Variants in INSR observed in about 807,000 individuals in gnomAD.
INSR encodes insulin receptor, also known as IR.
Under a neutral mutation model 142.6 loss-of-function variants are expected in INSR, and 67 were observed. That is an observed-to-expected ratio of 0.47 (90% CI 0.39 to 0.58). INSR has a LOEUF of 0.58. INSR is among the 20% of genes least tolerant of loss of function. The pLI is 0.00. For synonymous variants in INSR, 756 were observed against 743.1 expected, an observed-to-expected ratio of 1.02 and a Z score of -0.28; for missense variants, 1,248 against 1,833.2, an observed-to-expected ratio of 0.68 and a Z score of 5.83.
chr19:7,174,291 CTAAAAA>C lies in INSR; in HGVS notation c.1123+286_1123+291del, dbSNP rs56082163. On this transcript the variant is annotated intron_variant, in intron 4 of 21. Transcript: ENST00000302850. ...TGGGCAATGGAGCAAGACCCCATCT[CTAAAAA>C]TAAAAATAAAAATAAAAATAAATGT... is the stretch of plus-strand genomic sequence containing the variant. Among the ~76,000 whole-genome samples the C allele has an allele frequency of 0.29, 44,152 of 149,856 alleles. 9,148 individuals are homozygous for C. Among genetic ancestry groups the C allele is most frequent in the African/African-American group, 0.59 (23,715 of 40,158 alleles).
At chr19:7,133,419 C>A (rs1053254138) in intron 13 of INSR, among the ~76,000 whole-genome samples, 2 of 152,192 alleles carry the variant, frequency 1.3e-5, no homozygotes, top group Non-Finnish European at 2.9e-5. Context: ...CATTTAAAAT[C>A]TATTCTTCTA....
intron 2 of INSR, among the ~76,000 whole-genome samples, chr19:7,217,619 G>A: frequency 6.6e-6 from 1 of 152,182 alleles, no homozygotes; most frequent in Admixed American, 6.5e-5. Context: ...AGTGCAGTGG[G>A]CACGATCTTG....
chr19:7,124,635 A>G (rs1972598000), intron 17 of INSR, among the ~76,000 whole-genome samples: 1 of 83,228 alleles, frequency 1.2e-5, no homozygotes, highest in Non-Finnish European at 2.4e-5. Context: ...ATATATATAT[A>G]TATGAAATAA....
chr19:7,185,529 G>A (rs1040376067), intron 2 of INSR, among the ~76,000 whole-genome samples: 13 of 152,088 alleles, frequency 8.5e-5, no homozygotes, highest in Admixed American at 1.3e-4. Context: ...TCTAATGGAG[G>A]AGACATGTTA....
intron 13 of INSR, among the ~76,000 whole-genome samples, chr19:7,132,836 C>T (rs1972820744): frequency 1.3e-5 from 2 of 152,088 alleles, no homozygotes; most frequent in South Asian, 4.2e-4. Flanking sequence ...AGTGATCCGC[C>T]CACCTCGGCC....
At chr19:7,286,632 C>T (rs1198307089) in intron 1 of INSR, among the ~76,000 whole-genome samples, 1 of 151,992 alleles carries the variant, frequency 6.6e-6, no homozygotes, top group African/African-American at 2.4e-5. Flanking sequence ...AAGTGTTCCT[C>T]CCACCTCAGC....
intron 17 of INSR, among the ~76,000 whole-genome samples, chr19:7,124,529 A>G (rs1258809100): frequency 2.1e-5 from 2 of 96,498 alleles, no homozygotes; most frequent in Non-Finnish European, 3.9e-5. Flanking sequence ...ACAAAGCGAG[A>G]CTCCGTTTCA....
intron 5 of INSR, 86 bp from the exon 6 acceptor site, chr19:7,170,837 T>C (rs983505321): frequency 2.0e-6 from 2 of 1,025,392 alleles, no homozygotes; most frequent in Non-Finnish European, 3.1e-6. Context: ...GAGTTGATCT[T>C]GTTCAGTGCT....
At position 7,192,627 on chromosome 19, in the gene INSR, G is replaced by A. The variant is rs569563119; in HGVS notation, c.653-7990C>T. ...CAGACTTGCAGGAAAATGCCAAACC[G>A]TCCGGGGGCTGTCACTCCCTCACAC... On this transcript the variant is annotated intron_variant, in intron 2 of 21. Coordinates refer to ENST00000302850, the MANE Select transcript of INSR (RefSeq NM_000208.4). This position sits in a 1 kb window ranked among gnomAD's most constrained non-coding sequence, Gnocchi z 4.2. Among the ~76,000 whole-genome samples the A allele has an allele frequency of 4.9e-4, 75 of 152,290 alleles. No individual in the cohort carries two copies. The highest frequency in any genetic ancestry group is 1.7e-3 in the African/African-American group (72 of 41,564).
At chr19:7,200,026 T>G (rs1974910154) in intron 2 of INSR, among the ~76,000 whole-genome samples, 1 of 152,086 alleles carries the variant, frequency 6.6e-6, no homozygotes, top group Non-Finnish European at 1.5e-5. Context: ...CGGGCTATGT[T>G]CAGAGAACTA....
In INSR at chr19:7,125,653, C is replaced by A. The variant is rs1972629647; in HGVS notation, c.3014-126G>T. 1 of 1,296,126 alleles carries A rather than the reference C, an allele frequency of 7.7e-7. No individual in the cohort carries two copies. The highest frequency in any genetic ancestry group is 2.4e-5 in the East Asian group (1 of 42,012). The allele number at this position is 1,296,126 out of a possible 1,614,324, so 80.3% of individuals were successfully genotyped here. On this transcript the variant is annotated intron_variant, in intron 16 of 21. Transcript: ENST00000302850. The surrounding 1 kb of genome is among the most constrained non-coding windows in gnomAD (Gnocchi z 4.9). ...TGAAATGAGTTCTGTGATCCAGGAC[C>A]CATGCCGGGCACTGGGCATATGGCC...
At chr19:7,221,406 A>AGGAGGAAAGAAG (rs749970430) in intron 2 of INSR, among the ~76,000 whole-genome samples, 2 of 118,516 alleles carry the variant, frequency 1.7e-5, no homozygotes, top group Non-Finnish European at 3.6e-5. Flanking sequence ...GAGGAGGAGG[A>AGGAGGAAAGAAG]AAGAAGAAGA....
intron 9 of INSR, among the ~76,000 whole-genome samples, chr19:7,156,776 T>TTC (rs1431742745): frequency 1.6e-4 from 23 of 146,536 alleles, no homozygotes; most frequent in Non-Finnish European, 1.6e-4. Context: ...ACAATACTAT[T>TTC]TCTCTCTTTT....
At chr19:7,253,857 C>T (rs10403619) in intron 2 of INSR, among the ~76,000 whole-genome samples, 60,828 of 151,108 alleles carry the variant, frequency 0.4, 13,682 homozygotes, top group African/African-American at 0.59. Flanking sequence ...GGTGAAACCC[C>T]GTCTTCACTA....
intron 8 of INSR, among the ~76,000 whole-genome samples, chr19:7,163,948 A>AAAAAAAAAAATATATATATATATATATAT (rs1411048837): frequency 7.4e-6 from 1 of 136,032 alleles, no homozygotes; most frequent in African/African-American, 3.2e-5. Context: ...AAAAAAAAAA[A>AAAAAAAAAAATATATATATATATATATAT]ATTAGCTGGA....
chr19:7,157,304 G>A (rs1353421162), intron 9 of INSR, among the ~76,000 whole-genome samples: 1 of 150,268 alleles, frequency 6.7e-6, no homozygotes, highest in African/African-American at 2.5e-5. Flanking sequence ...TATTAGAGAC[G>A]GGGTTTTGCC....
chr19:7,240,443 G>T (rs1031188498), intron 2 of INSR, among the ~76,000 whole-genome samples: 1 of 152,120 alleles, frequency 6.6e-6, no homozygotes, highest in Non-Finnish European at 1.5e-5. Flanking sequence ...TTAGCCAGGC[G>T]TGGTGGTGCA....
At chr19:7,234,152 G>A (rs1431056655) in intron 2 of INSR, among the ~76,000 whole-genome samples, 3 of 151,766 alleles carry the variant, frequency 2.0e-5, no homozygotes, top group South Asian at 2.1e-4. Context: ...GTGATGATCC[G>A]CCCACCTCAG....
chr19:7,220,536 G>A (rs567178909), intron 2 of INSR, among the ~76,000 whole-genome samples: 7 of 152,182 alleles, frequency 4.6e-5, no homozygotes, highest in Admixed American at 1.3e-4. Flanking sequence ...TGATCCTCCC[G>A]CCTTGGCCTC....
Sources: allele counts gnomAD v4.1 joint callset (sites outside exome capture counted in the v4.1 genomes callset), GRCh38; gene constraint gnomAD v4.1.1; non-coding constraint Gnocchi (gnomAD v3.1); transcripts MANE v1.5; gene names NCBI Gene and HGNC (gene_info 2026-07-23, HGNC 2026-07-21).